Variants in MDGA2 observed in about 807,000 individuals in gnomAD.
The protein encoded by MDGA2 is MAM domain containing glycosylphosphatidylinositol anchor 2.
In MDGA2, 40 loss-of-function variants were observed where a neutral mutation model predicts 117.8. The ratio of observed to expected loss-of-function variants is 0.34; its 90% CI spans 0.26 to 0.44. The LOEUF is 0.44. MDGA2 is among the 20% of genes least tolerant of loss of function. MDGA2 has a pLI of 1.00. For synonymous variants in MDGA2, 452 were observed against 439.0 expected (o/e 1.03, Z -0.37); for missense variants, 1,123 against 1,250.6 (o/e 0.90, Z 1.54).
At chr14:47,022,646 C>T (rs1207255639) in intron 8 of MDGA2, among the ~76,000 whole-genome samples, 1 of 151,996 alleles carries the variant, frequency 6.6e-6, no homozygotes, top group Admixed American at 6.6e-5. Context: ...TTACACATGG[C>T]TGGAGACTTC....
chr14:47,581,034 A>T lies in MDGA2; in HGVS notation c.280+93483T>A, dbSNP rs1393679203. ...ATCACGTGAAATCAGGAAAGCACTT[A>T]CAACTTATCAAAATGCCTTAAATTT... On this transcript the variant is annotated intron_variant, in intron 1 of 16. Transcript: ENST00000399232. Among the ~76,000 whole-genome samples the T allele has an allele frequency of 1.1e-4, 16 of 152,152 alleles. No individual in the cohort carries two copies. In the South Asian group the frequency reaches 3.1e-3, roughly 30 times the overall value.
intron 8 of MDGA2, among the ~76,000 whole-genome samples, chr14:47,024,350 T>C (rs1237777434): frequency 6.6e-6 from 1 of 152,210 alleles, no homozygotes; most frequent in Non-Finnish European, 1.5e-5. Flanking sequence ...TTTATGAACA[T>C]ATGGCTTCAA....
chr14:47,296,555 A>C (rs953987066), intron 2 of MDGA2, among the ~76,000 whole-genome samples: 12 of 152,252 alleles, frequency 7.9e-5, no homozygotes, highest in Non-Finnish European at 1.6e-4. Context: ...CAAATTGGCT[A>C]GTGATTTAAA....
chr14:47,384,025 T>TAGATAA (rs60630027), intron 1 of MDGA2, among the ~76,000 whole-genome samples: 2 of 143,844 alleles, frequency 1.4e-5, no homozygotes, highest in Admixed American at 7.0e-5. Context: ...AATAGATAGA[T>TAGATAA]TAGATAAAGA....
chr14:47,232,904 C>T (rs1276440603), intron 2 of MDGA2, among the ~76,000 whole-genome samples: 3 of 152,044 alleles, frequency 2.0e-5, no homozygotes, highest in African/African-American at 7.2e-5. Flanking sequence ...AGAGAAGTGG[C>T]ACCATCAACA....
intron 1 of MDGA2, among the ~76,000 whole-genome samples, chr14:47,527,590 C>T (rs1434364762): frequency 1.3e-5 from 2 of 152,050 alleles, no homozygotes; most frequent in Non-Finnish European, 1.5e-5. Context: ...AGTGATGTGG[C>T]GTGAGGTTGG....
chr14:47,270,648 G>T (rs575047566), intron 2 of MDGA2, among the ~76,000 whole-genome samples: 1 of 152,154 alleles, frequency 6.6e-6, no homozygotes, highest in South Asian at 2.1e-4. Flanking sequence ...GTGTTTTTAG[G>T]ACAAAATACA....
At chr14:47,111,901 T>C (rs1881058004) in intron 5 of MDGA2, among the ~76,000 whole-genome samples, 1 of 152,138 alleles carries the variant, frequency 6.6e-6, no homozygotes, top group Non-Finnish European at 1.5e-5. Context: ...CTTGAGCAGC[T>C]AGATGTTAGT....
Position 47,301,479 on chromosome 14 carries a change from C to T in MDGA2, c.352G>A (p.Val118Ile). ...GTTTCTCCTTCCCGGATAGTGTAGA[C>T]CCTTTCGGAGTAGCGCTCCTCTTCA... is the stretch of plus-strand genomic sequence containing the variant. ...NIEEERYSER[V>I]YTIREGETLE... The change falls in exon 2 of 17, where the codon GTC becomes ATC. Residue 118 changes from valine to isoleucine, a missense_variant. Around this residue, in one of 2 missense-constraint regions of MDGA2, gnomAD observed 233 missense variants for 200.3 expected, o/e 1.16. Coordinates refer to ENST00000399232, the MANE Select transcript of MDGA2 (RefSeq NM_001113498.3). The T allele has an allele frequency of 6.4e-7, 1 of 1,551,666 alleles. No homozygotes were observed. Among genetic ancestry groups the T allele is most frequent in the South Asian group, 1.2e-5 (1 of 84,062 alleles).
intron 8 of MDGA2, among the ~76,000 whole-genome samples, chr14:46,968,845 A>AC (rs1228296217): frequency 6.6e-6 from 1 of 152,084 alleles, no homozygotes; most frequent in Non-Finnish European, 1.5e-5. Context: ...TAAAAAAAAA[A>AC]AAAAAACAAA....
chr14:47,061,630 G>A, intron 6 of MDGA2, 52 bp from the exon 7 acceptor site: 1 of 1,404,054 alleles, frequency 7.1e-7, no homozygotes, highest in Non-Finnish European at 9.8e-7. Context: ...TAACTTTAAG[G>A]ATTCATTAAC....
chr14:46,968,243 C>T (rs1037782697), intron 8 of MDGA2, among the ~76,000 whole-genome samples: 3 of 152,090 alleles, frequency 2.0e-5, no homozygotes, highest in African/African-American at 4.8e-5. Flanking sequence ...GGGGAGATCA[C>T]CTGTTCCACA....
intron 1 of MDGA2, among the ~76,000 whole-genome samples, chr14:47,507,420 A>G (rs1453193057): frequency 6.6e-6 from 1 of 152,226 alleles, no homozygotes; most frequent in African/African-American, 2.4e-5. Flanking sequence ...TTGCATAAAA[A>G]TAAATTGGGA....
intron 1 of MDGA2, among the ~76,000 whole-genome samples, chr14:47,546,222 T>C (rs8016611): frequency 0.26 from 39,346 of 152,020 alleles, 5,736 homozygotes; most frequent in South Asian, 0.53. Context: ...CAGAATGATA[T>C]AGCTTAACAG....
chr14:46,919,167 T>A lies in MDGA2; in HGVS notation c.2238+845A>T, dbSNP rs147570898. ...TGAATCGTTGGAGGTTGATCAGTCTTACTCGATGAAAATTTTATTCTCTCT... is the reference window on the plus strand; with the variant it reads ...TGAATCGTTGGAGGTTGATCAGTCTAACTCGATGAAAATTTTATTCTCTCT... On this transcript the variant is annotated intron_variant, in intron 10 of 16. Coordinates refer to ENST00000399232, the MANE Select transcript of MDGA2 (RefSeq NM_001113498.3). Among the ~76,000 whole-genome samples the A allele has an allele frequency of 5.3e-3, 809 of 152,338 alleles. 10 individuals are homozygous for A. Among genetic ancestry groups the A allele is most frequent in the African/African-American group, 0.019 (783 of 41,578 alleles).
intron 1 of MDGA2, among the ~76,000 whole-genome samples, chr14:47,642,117 G>T (rs1356981438): frequency 1.3e-5 from 2 of 152,176 alleles, no homozygotes; most frequent in South Asian, 2.1e-4. Flanking sequence ...TCTTACAGAT[G>T]TGAACTACTT....
At chr14:47,627,350 G>C (rs143520732) in intron 1 of MDGA2, among the ~76,000 whole-genome samples, 3,723 of 150,434 alleles carry the variant, frequency 0.025, 110 homozygotes, top group African/African-American at 0.065. Flanking sequence ...TGCACCAACT[G>C]GCACTCTGTG....
chr14:47,496,043 A>G (rs1287137430), intron 1 of MDGA2, among the ~76,000 whole-genome samples: 2 of 152,088 alleles, frequency 1.3e-5, no homozygotes, highest in Non-Finnish European at 2.9e-5. Context: ...CTCTTCACAT[A>G]CTTAGTACAT....
At chr14:47,054,508 T>TC (rs1388247430) in intron 7 of MDGA2, among the ~76,000 whole-genome samples, 1 of 138,204 alleles carries the variant, frequency 7.2e-6, no homozygotes, top group East Asian at 2.4e-4. Flanking sequence ...ATGTTTCCCT[T>TC]CCTGTGTCCA....
Sources: gnomAD v4.1 joint callset for allele counts (sites outside exome capture counted in the v4.1 genomes callset) on GRCh38, gnomAD v4.1.1 for gene constraint, gnomAD v4.1.1 regional missense constraint, MANE v1.5 for transcripts, NCBI Gene and HGNC (gene_info 2026-07-23, HGNC 2026-07-21) for gene names.